The following C1orf167 variants were observed in gnomAD, a reference collection of about 807,000 sequenced individuals.
C1orf167 encodes chromosome 1 open reading frame 167, also known as uncharacterized protein C1orf167.
A neutral mutation model predicts 176.5 loss-of-function variants in C1orf167; 153 were observed. The ratio of observed to expected loss-of-function variants is 0.87; its 90% CI spans 0.76 to 0.99. The LOEUF is 0.99. Ranked by LOEUF, C1orf167 falls within the 50% of genes least tolerant of loss-of-function variation. The pLI is 0.00. For missense variants in C1orf167, 1,490 were observed against 1,817.7 expected, an observed-to-expected ratio of 0.82 and a Z score of 3.28; for synonymous variants, 594 against 752.7, an observed-to-expected ratio of 0.79 and a Z score of 3.45.
At chr1:11,788,498 C>T in intron 19 of C1orf167, 120 bp downstream of exon 19, 7 of 1,126,132 alleles carry the variant, frequency 6.2e-6, no homozygotes, top group Non-Finnish European at 8.2e-6. Context: ...GGGGACAGGC[C>T]CAGGAATCTG....
chr1:11,782,604 T>G (rs1036200830), intron 14 of C1orf167, among the ~76,000 whole-genome samples: 6 of 152,120 alleles, frequency 3.9e-5, no homozygotes, highest in Non-Finnish European at 1.5e-5. Flanking sequence ...GTCAGTTCTT[T>G]GGTTTTAGAG....
intron 17 of C1orf167, 136 bp from the exon 18 acceptor site, chr1:11,787,737 G>A (rs1285721256): frequency 5.3e-6 from 6 of 1,139,492 alleles, no homozygotes; most frequent in Non-Finnish European, 6.7e-6. Context: ...GGCCTGGGGA[G>A]ATGGGGGCAG....
intron 2 of C1orf167, 73 bp downstream of exon 2, chr1:11,764,543 C>A (rs1037569605): frequency 1.6e-6 from 2 of 1,224,366 alleles, no homozygotes; most frequent in Non-Finnish European, 2.1e-6. Context: ...CCAGAGCCCC[C>A]CTCCCAGGCA....
At chr1:11,777,092 T>G (rs994713095) in intron 10 of C1orf167, 1 of 153,032 alleles carries the variant, frequency 6.5e-6, no homozygotes. Context: ...GGATCAAGCT[T>G]TTATCTCCTC....
intron 17 of C1orf167, 159 bp from the exon 18 acceptor site, chr1:11,787,714 G>GAA: frequency 9.3e-7 from 1 of 1,079,984 alleles, no homozygotes; most frequent in South Asian, 1.7e-5. Context: ...GCAGGCAGCC[G>GAA]GGAGAGGCTG....
chr1:11,784,946 C>A (rs1395980397), intron 15 of C1orf167, among the ~76,000 whole-genome samples: 1 of 152,174 alleles, frequency 6.6e-6, no homozygotes. Context: ...GATGCTTGTC[C>A]CCGTCTGTGA....
Position 11,783,667 on chromosome 1 carries a change from G to A in C1orf167, c.3006-507G>A, listed in dbSNP as rs749223081. Among the ~76,000 whole-genome samples, 5 of 152,170 alleles carry A rather than the reference G, an allele frequency of 3.3e-5. 1 individual carries two copies. In the South Asian group the frequency reaches 6.2e-4, roughly 19 times the overall value. On this transcript the variant is annotated intron_variant, in intron 14 of 20. Coordinates refer to ENST00000688073, the MANE Select transcript of C1orf167 (RefSeq NM_001010881.2). ...CTGATGTGGGACTTGAACCCATACT[G>A]CTGGTTCCCATCCCCCTCGCAGGGC...
chr1:11,765,799 T>C, intron 2 of C1orf167, 58 bp from the exon 3 acceptor site: 1 of 1,175,312 alleles, frequency 8.5e-7, no homozygotes, highest in Non-Finnish European at 1.1e-6. Flanking sequence ...CTGGAGAGCT[T>C]CGCCTGTCCC....
rs1358274015 is a variant in C1orf167 at position 11,788,723 on chromosome 1, G to T, written c.4150G>T (p.Ala1384Ser). The T allele has an allele frequency of 2.9e-5, 38 of 1,304,128 alleles. No individual in the cohort carries two copies. Among genetic ancestry groups the T allele is most frequent in the Non-Finnish European group, 3.1e-5 (31 of 988,964 alleles). 80.8% of individuals were successfully genotyped at this position (1,304,128 alleles called of 1,614,324 possible). ...GGATCCTGCGACTGCGAGTGGCTCA[G>T]CAGTTACAGCAGCAGGAAGATGGGT... is the stretch of plus-strand genomic sequence containing the variant. Reference protein sequence around the residue: ...AADPATASGSAVTAAGRWAFK... With the variant: ...AADPATASGSSVTAAGRWAFK... The change falls in exon 20 of 21, where the codon GCA becomes TCA. Residue 1384 changes from alanine (A) to serine (S), a missense_variant. Ala to Ser is a moderately conservative substitution (Grantham distance 99). Coordinates refer to ENST00000688073, the MANE Select transcript of C1orf167 (RefSeq NM_001010881.2).
At chr1:11,787,812 C>T in intron 17 of C1orf167, 61 bp from the exon 18 acceptor site, 2 of 1,184,838 alleles carry the variant, frequency 1.7e-6, no homozygotes, top group Non-Finnish European at 2.2e-6. Context: ...TAGGCGGGCA[C>T]TAAGAGCAGC....
intron 17 of C1orf167, 187 bp downstream of exon 17, chr1:11,787,680 GCC>G: frequency 1.1e-6 from 1 of 929,480 alleles, no homozygotes; most frequent in Non-Finnish European, 1.4e-6. Context: ...TTCCTGCCCC[GCC>G]CCTGTGATTT....
intron 8 of C1orf167, among the ~76,000 whole-genome samples, chr1:11,773,671 G>A (rs1044406984): frequency 9.2e-5 from 14 of 152,138 alleles, no homozygotes; most frequent in African/African-American, 3.4e-4. Context: ...TCGTGCCACT[G>A]CACTCCAGCC....
intron 13 of C1orf167, among the ~76,000 whole-genome samples, chr1:11,780,763 A>C (rs904482063): frequency 2.0e-5 from 3 of 151,978 alleles, no homozygotes; most frequent in African/African-American, 7.3e-5. Flanking sequence ...GGGTCCCAGG[A>C]GGAGGTGAGG....
chr1:11,780,569 G>A (rs1313846481), intron 13 of C1orf167, among the ~76,000 whole-genome samples: 5 of 152,214 alleles, frequency 3.3e-5, no homozygotes, highest in Non-Finnish European at 7.3e-5. Context: ...AAACAACCTA[G>A]TTAACCTCCC....
At chr1:11,775,412 G>A (rs1486792752) in intron 8 of C1orf167, 23 bp from the exon 9 acceptor site, 1 of 1,277,032 alleles carries the variant, frequency 7.8e-7, no homozygotes, top group Non-Finnish European at 1.0e-6. Flanking sequence ...ATTGACATGG[G>A]TACTTTCCCT....
In C1orf167 at chr1:11,768,443, AG is replaced by A; in HGVS notation, c.1542+169del. On this transcript the variant is annotated intron_variant, in intron 5 of 20. Coordinates refer to ENST00000688073, the MANE Select transcript of C1orf167 (RefSeq NM_001010881.2). The surrounding 1 kb of genome is among the most constrained non-coding windows in gnomAD (Gnocchi z 4.5). ...CACACACCTGAATCAGCTCTGCCTG[AG>A]TTCAAATCCTGCCCCCTCTACCACT... 1 of 566,992 alleles carries A rather than the reference AG, an allele frequency of 1.8e-6. No homozygotes were observed. Among genetic ancestry groups the A allele is most frequent in the Non-Finnish European group, 2.6e-6 (1 of 377,520 alleles). The allele number at this position is 566,992 out of a possible 1,614,324, so 35.1% of individuals were successfully genotyped here. A position where few individuals can be genotyped will look rare whatever the true frequency, so the allele number is the denominator to read the frequency against.
intron 9 of C1orf167, 86 bp downstream of exon 9, chr1:11,775,696 G>T: frequency 8.1e-7 from 1 of 1,233,718 alleles, no homozygotes; most frequent in South Asian, 1.4e-5. Flanking sequence ...GTGAATTCTT[G>T]TGGGAGGTGA....
intron 15 of C1orf167, 39 bp from the exon 16 acceptor site, chr1:11,785,109 C>T: frequency 7.9e-7 from 1 of 1,265,222 alleles, no homozygotes; most frequent in Non-Finnish European, 1.0e-6. Context: ...GAGTCCTGGC[C>T]TTTATGGCCC....
At chr1:11,765,458 A>G (rs1361545189) in intron 2 of C1orf167, among the ~76,000 whole-genome samples, 1 of 151,984 alleles carries the variant, frequency 6.6e-6, no homozygotes, top group Non-Finnish European at 1.5e-5. Context: ...TCAAGCCAGA[A>G]ATCAAGGAGT....
Sources: allele counts gnomAD v4.1 joint callset (sites outside exome capture counted in the v4.1 genomes callset), GRCh38; gene constraint gnomAD v4.1.1; non-coding constraint Gnocchi (gnomAD v3.1); transcripts MANE v1.5; gene names NCBI Gene and HGNC (gene_info 2026-07-23, HGNC 2026-07-21).